The following ELMO1 variants were observed in gnomAD, a reference collection of about 807,000 sequenced individuals.
ELMO1 encodes the protein engulfment and cell motility protein 1.
A neutral mutation model predicts 98.9 loss-of-function variants in ELMO1; 26 were observed. The ratio of observed to expected loss-of-function variants is 0.26; its 90% confidence interval spans 0.19 to 0.36. The LOEUF is 0.36. Among genes scored for constraint, ELMO1 ranks in the 10% least tolerant of loss-of-function variants. The pLI is 1.00. For synonymous variants in ELMO1, 346 were observed against 346.0 expected, an observed-to-expected ratio of 1.00 and a Z score of 0.00; for missense variants, 627 against 935.2, an observed-to-expected ratio of 0.67 and a Z score of 4.30.
At chr7:36,946,546 C>T (rs1366999812) in intron 16 of ELMO1, among the ~76,000 whole-genome samples, 4 of 152,222 alleles carry the variant, frequency 2.6e-5, no homozygotes, top group Non-Finnish European at 5.9e-5. Context: ...CCGCAACCAC[C>T]TCTGTGTTTG....
intron 1 of ELMO1, among the ~76,000 whole-genome samples, chr7:37,406,678 G>A (rs1055971844): frequency 1.3e-5 from 2 of 152,008 alleles, no homozygotes; most frequent in African/African-American, 4.8e-5. Flanking sequence ...TCCTGACCTT[G>A]TGATCTGCCC....
At chr7:37,426,736 C>G (rs975390417) in intron 1 of ELMO1, among the ~76,000 whole-genome samples, 3 of 152,054 alleles carry the variant, frequency 2.0e-5, no homozygotes, top group South Asian at 2.1e-4. Context: ...TTCCCAAACT[C>G]TAGTTCTTCA....
rs1306034764 is a variant in ELMO1, at chr7:37,167,985, G to A, written c.1087-34751C>T. On this transcript the variant is annotated intron_variant, in intron 13 of 21. Coordinates refer to ENST00000310758, the MANE Select transcript of ELMO1 (RefSeq NM_014800.11). ...TCACTTTCAGGTACACCAATCAGACGTAGATTTGGTCTTTTCACATAGTCC... is the reference window on the plus strand; with the variant it reads ...TCACTTTCAGGTACACCAATCAGACATAGATTTGGTCTTTTCACATAGTCC... Among the ~76,000 whole-genome samples, 215 of 152,036 alleles carry A rather than the reference G, an allele frequency of 1.4e-3. 1 individual carries two copies. Among genetic ancestry groups the A allele is most frequent in the Non-Finnish European group, 2.3e-3 (155 of 67,948 alleles).
chr7:37,322,867 A>G (rs1349036933), intron 2 of ELMO1, among the ~76,000 whole-genome samples: 1 of 152,152 alleles, frequency 6.6e-6, no homozygotes, highest in East Asian at 1.9e-4. Flanking sequence ...CTGCTTCAGT[A>G]TGTTTCCATA....
At chr7:37,288,148 C>A (rs968033158) in intron 4 of ELMO1, among the ~76,000 whole-genome samples, 1 of 151,780 alleles carries the variant, frequency 6.6e-6, no homozygotes, top group African/African-American at 2.4e-5. Context: ...TTGGTAGAGA[C>A]AGGGTTTCAC....
intron 16 of ELMO1, among the ~76,000 whole-genome samples, chr7:36,968,346 T>C (rs1224678517): frequency 6.6e-6 from 1 of 152,226 alleles, no homozygotes; most frequent in Non-Finnish European, 1.5e-5. Flanking sequence ...AAATTTTAAG[T>C]TCTTAATATA....
At chr7:37,255,538 C>T (rs1795592759) in intron 6 of ELMO1, among the ~76,000 whole-genome samples, 1 of 152,234 alleles carries the variant, frequency 6.6e-6, no homozygotes, top group Non-Finnish European at 1.5e-5. Flanking sequence ...AAGTCTGTAA[C>T]TGCCGGCCTC....
intron 15 of ELMO1, among the ~76,000 whole-genome samples, chr7:37,043,186 G>A (rs1344472184): frequency 2.0e-5 from 3 of 152,100 alleles, no homozygotes; most frequent in Non-Finnish European, 2.9e-5. Flanking sequence ...ACTAAATAAA[G>A]AAACAACAGC....
rs549844580 is a variant in ELMO1 at position 37,193,006 on chromosome 7, TATAC to T, written c.1086+18376_1086+18379del. Among the ~76,000 whole-genome samples the T allele has an allele frequency of 8.5e-3, 698 of 81,872 alleles. 5 individuals carry two copies. The highest frequency in any genetic ancestry group is 0.019 in the African/African-American group (390 of 20,088). The allele number at this position is 81,872 out of a possible 152,430, so 53.7% of individuals were successfully genotyped here. ...ATATATATATATATATATATATATATATACACACACACACATTTAAAGAGTGGAA... is the reference window on the plus strand; with the variant it reads ...ATATATATATATATATATATATATATACACACACACATTTAAAGAGTGGAA... On this transcript the variant is annotated intron_variant, in intron 13 of 21. Coordinates refer to ENST00000310758, the MANE Select transcript of ELMO1 (RefSeq NM_014800.11).
chr7:37,158,698 T>C (rs193157100), intron 13 of ELMO1, among the ~76,000 whole-genome samples: 93 of 152,346 alleles, frequency 6.1e-4, no homozygotes, highest in African/African-American at 1.9e-3. Context: ...ACTTTTACAC[T>C]GTTGGTGAGA....
chr7:36,857,273 A>G (rs534465421), intron 21 of ELMO1, among the ~76,000 whole-genome samples: 100 of 152,322 alleles, frequency 6.6e-4, no homozygotes, highest in Non-Finnish European at 1.1e-3. Flanking sequence ...ATGTCTAACC[A>G]TCAATTTCTT....
Position 37,029,026 on chromosome 7 carries a change from T to C in ELMO1, c.1301-15591A>G, listed in dbSNP as rs60752149. Reference sequence around the variant, plus strand: ...AGGTTTGGGTCTTATTTCCATTTCATAGGTGAGAAAAATGAGTCACAGAGA... The same window carrying C: ...AGGTTTGGGTCTTATTTCCATTTCACAGGTGAGAAAAATGAGTCACAGAGA... On this transcript the variant is annotated intron_variant, in intron 15 of 21. Transcript: ENST00000310758. 9.3e-3 allele frequency among the ~76,000 whole-genome samples: 1,419 copies of C among 152,186 alleles called. 20 individuals are homozygous for C. Among genetic ancestry groups the C allele is most frequent in the African/African-American group, 0.032 (1,314 of 41,502 alleles).
intron 4 of ELMO1, among the ~76,000 whole-genome samples, chr7:37,293,021 G>C (rs111235253): frequency 0.59 from 22,765 of 38,690 alleles, 9,677 homozygotes; most frequent in Non-Finnish European, 0.88. Context: ...TGCCCAGCCA[G>C]CCGCCCCGTC....
intron 5 of ELMO1, chr7:37,270,218 CTCA>C (rs973086769): frequency 2.0e-5 from 3 of 152,158 alleles, no homozygotes; most frequent in African/African-American, 7.2e-5. Context: ...AACGCCTCAG[CTCA>C]TCATGTAGCC....
chr7:37,177,791 A>G (rs921960064), intron 13 of ELMO1, among the ~76,000 whole-genome samples: 3 of 152,192 alleles, frequency 2.0e-5, no homozygotes, highest in African/African-American at 7.2e-5. Context: ...ACTGGGACCT[A>G]GAGAGGTCAT....
intron 15 of ELMO1, among the ~76,000 whole-genome samples, chr7:37,091,639 C>A (rs1784099980): frequency 1.3e-5 from 2 of 152,118 alleles, no homozygotes; most frequent in South Asian, 4.1e-4. Flanking sequence ...GGGAATATAA[C>A]TCTTCTTTTG....
chr7:37,026,515 T>C (rs548507295), intron 15 of ELMO1, among the ~76,000 whole-genome samples: 3 of 152,166 alleles, frequency 2.0e-5, no homozygotes, highest in Admixed American at 6.6e-5. Flanking sequence ...CTGTAGCTGT[T>C]AGAAAAAAAT....
chr7:36,979,371 G>A (rs1411260328), intron 16 of ELMO1, among the ~76,000 whole-genome samples: 1 of 152,184 alleles, frequency 6.6e-6, no homozygotes, highest in East Asian at 1.9e-4. Flanking sequence ...CCTTTCTACA[G>A]ATGAGGAAGC....
chr7:37,308,171 C>T (rs1234368614), intron 4 of ELMO1, among the ~76,000 whole-genome samples: 1 of 152,122 alleles, frequency 6.6e-6, no homozygotes, highest in African/African-American at 2.4e-5. Context: ...TTTTCCTCTC[C>T]ATTCAACAGT....
Sources: allele counts gnomAD v4.1 joint callset (sites outside exome capture counted in the v4.1 genomes callset), GRCh38; gene constraint gnomAD v4.1.1; transcripts MANE v1.5; gene names NCBI Gene and HGNC (gene_info 2026-07-23, HGNC 2026-07-21).